Variants in MYO3B observed in about 807,000 individuals in gnomAD.
MYO3B encodes myosin-IIIb.
A neutral mutation model predicts 174.6 loss-of-function variants in MYO3B; 156 were observed. The observed-to-expected ratio is 0.89, with a 90% CI of 0.78 to 1.02. The LOEUF is 1.02. MYO3B is among the 50% of genes least tolerant of loss of function. The probability of loss-of-function intolerance (pLI) is 0.00; values close to 1 mark genes in which losing one functional copy is unlikely to be tolerated. For missense variants in MYO3B, 1,632 were observed against 1,639.4 expected (o/e 1.00, Z 0.08); for synonymous variants, 563 against 569.1 (o/e 0.99, Z 0.15).
chr2:170,640,481 C>T (rs939717257), intron 32 of MYO3B: 6 of 152,196 alleles, frequency 3.9e-5, no homozygotes, highest in African/African-American at 1.4e-4. Flanking sequence ...CAGATTCCCA[C>T]CCCAACACAC....
chr2:170,263,470 A>G (rs1010655448), intron 7 of MYO3B, among the ~76,000 whole-genome samples: 2 of 152,106 alleles, frequency 1.3e-5, no homozygotes, highest in African/African-American at 4.8e-5. Context: ...ATTGATCGTT[A>G]TCTCTACCAT....
At chr2:170,270,361 C>T (rs1269117458) in intron 7 of MYO3B, among the ~76,000 whole-genome samples, 2 of 151,994 alleles carry the variant, frequency 1.3e-5, no homozygotes, top group African/African-American at 2.4e-5. Flanking sequence ...AAAGACTGAT[C>T]GTGATAGGAT....
chr2:170,446,090 C>T (rs1035731482), intron 23 of MYO3B, among the ~76,000 whole-genome samples: 18 of 152,248 alleles, frequency 1.2e-4, no homozygotes, highest in African/African-American at 4.3e-4. Context: ...GCATCATCTT[C>T]TTTGACATCA....
chr2:170,341,393 C>T (rs926437608), intron 8 of MYO3B: 4 of 152,126 alleles, frequency 2.6e-5, no homozygotes, highest in Admixed American at 6.5e-5. Context: ...TACGTCTTGT[C>T]GGATTCTCAG....
At chr2:170,607,124 C>T (rs953270465) in intron 32 of MYO3B, among the ~76,000 whole-genome samples, 7 of 152,182 alleles carry the variant, frequency 4.6e-5, no homozygotes, top group Admixed American at 2.6e-4. Context: ...TGAGTAGAAA[C>T]TTATATTCCT....
At chr2:170,524,572 C>G (rs1688884558) in intron 30 of MYO3B, 1 of 423,718 alleles carries the variant, frequency 2.4e-6, no homozygotes, top group African/African-American at 2.1e-5. Context: ...CAACCTCCGC[C>G]CTCTGGGTTC....
intron 22 of MYO3B, among the ~76,000 whole-genome samples, chr2:170,410,337 A>G (rs2094537203): frequency 1.3e-5 from 2 of 152,106 alleles, no homozygotes; most frequent in East Asian, 3.9e-4. Context: ...AGGCCGAGGC[A>G]GGCGGATCAC....
intron 32 of MYO3B, among the ~76,000 whole-genome samples, chr2:170,649,118 T>C (rs1411786188): frequency 1.4e-5 from 1 of 70,398 alleles, no homozygotes; most frequent in South Asian, 4.2e-4. Flanking sequence ...TAAAATAATA[T>C]ATAATGTATA....
At position 170,401,633 on chromosome 2, in the gene MYO3B, C is replaced by G. The variant is rs765145968; in HGVS notation, c.2071C>G (p.Leu691Val). ...CATGTCCAAAGCCCTGTATGGGAGGCTCTTCAGCTGGATTGTGAATCGCAT... is the reference window on the plus strand; with the variant it reads ...CATGTCCAAAGCCCTGTATGGGAGGGTCTTCAGCTGGATTGTGAATCGCAT... ...DAMSKALYGR[L>V]FSWIVNRINT... The change falls in exon 18 of 35, where the codon CTC becomes GTC. Residue 691 changes from leucine to valine, a missense_variant. By Grantham distance (32) the Leu-to-Val change is conservative. Coordinates refer to ENST00000408978, the MANE Select transcript of MYO3B (RefSeq NM_138995.5). 2 of 1,614,084 alleles carry G rather than the reference C, an allele frequency of 1.2e-6. No individual in the cohort carries two copies. The highest frequency in any genetic ancestry group is 1.7e-6 in the Non-Finnish European group (2 of 1,180,008).
Position 170,400,217 on chromosome 2 carries a change from T to G in MYO3B, c.1821T>G (p.Ala607=). ...KEVHSVYRIL[A]GILNIGNIEF... ...TGCACTCAGTGTACAGAATTTTGGC[T>G]GGGATTTTGAATATTGGGAACATTG... is the stretch of plus-strand genomic sequence containing the variant. The change falls in exon 17 of 35, where the codon GCT becomes GCG. Residue 607 remains alanine (A), a synonymous_variant. Transcript: ENST00000408978. 6.2e-7 allele frequency: 1 copy of G among 1,614,090 alleles called. No homozygotes were observed. Among genetic ancestry groups the G allele is most frequent in the Non-Finnish European group, 8.5e-7 (1 of 1,180,012 alleles).
At chr2:170,354,567 G>T (rs932832242) in intron 8 of MYO3B, among the ~76,000 whole-genome samples, 2 of 152,188 alleles carry the variant, frequency 1.3e-5, no homozygotes, top group African/African-American at 4.8e-5. Flanking sequence ...CCCATGCATA[G>T]AGTTAGTTCC....
intron 7 of MYO3B, among the ~76,000 whole-genome samples, chr2:170,322,569 T>G (rs2105499633): frequency 6.6e-6 from 1 of 152,322 alleles, no homozygotes; most frequent in East Asian, 1.9e-4. Context: ...AGGACGAATG[T>G]TCGGTAGTTA....
At chr2:170,646,127 C>T (rs1332008932) in intron 32 of MYO3B, among the ~76,000 whole-genome samples, 1 of 151,668 alleles carries the variant, frequency 6.6e-6, no homozygotes, top group Non-Finnish European at 1.5e-5. Context: ...CAAAATTAGC[C>T]GGGCGTGGCG....
chr2:170,514,856 A>G, intron 28 of MYO3B, 65 bp from the exon 29 acceptor site: 1 of 1,425,424 alleles, frequency 7.0e-7, no homozygotes, highest in Non-Finnish European at 9.8e-7. Flanking sequence ...TGTATCACCC[A>G]GTTTGGTAAT....
chr2:170,392,515 G>T lies in MYO3B; in HGVS notation c.1791+20G>T, dbSNP rs1168658824. On this transcript the variant is annotated intron_variant, in intron 16 of 34. Transcript: ENST00000408978. Reference sequence around the variant, plus strand: ...GACAAAGTAAGTGATGATCAAGAGAGGAACTCAAGTGACAATATTCTTATA... The same window carrying T: ...GACAAAGTAAGTGATGATCAAGAGATGAACTCAAGTGACAATATTCTTATA... 7.0e-7 allele frequency: 1 copy of T among 1,430,898 alleles called. No homozygotes were observed. Among genetic ancestry groups the T allele is most frequent in the Non-Finnish European group, 9.5e-7 (1 of 1,051,366 alleles). 88.6% of individuals were successfully genotyped at this position (1,430,898 alleles called of 1,614,324 possible).
At chr2:170,384,060 A>G in intron 12 of MYO3B, 2 of 408,024 alleles carry the variant, frequency 4.9e-6, no homozygotes, top group South Asian at 4.5e-5. Context: ...TTCTCTGATA[A>G]GATATAATAA....
chr2:170,350,203 T>G (rs2094053783), intron 8 of MYO3B: 1 of 152,194 alleles, frequency 6.6e-6, no homozygotes, highest in Admixed American at 6.5e-5. Context: ...TTTGCCATGT[T>G]GCCCAGGCTG....
At chr2:170,220,063 C>A (rs1451825114) in intron 6 of MYO3B, among the ~76,000 whole-genome samples, 1 of 151,928 alleles carries the variant, frequency 6.6e-6, no homozygotes. Flanking sequence ...TCGAGACCAT[C>A]CTGGCTAACA....
At chr2:170,594,172 G>A (rs572464574) in intron 32 of MYO3B, among the ~76,000 whole-genome samples, 2 of 152,152 alleles carry the variant, frequency 1.3e-5, no homozygotes, top group South Asian at 2.1e-4. Flanking sequence ...TCCAGAGTAG[G>A]ACAAATGCCT....
Sources: gnomAD v4.1 joint callset for allele counts (sites outside exome capture counted in the v4.1 genomes callset) on GRCh38, gnomAD v4.1.1 for gene constraint, MANE v1.5 for transcripts, NCBI Gene and HGNC (gene_info 2026-07-23, HGNC 2026-07-21) for gene names.